The following RPP30 variants were observed in gnomAD, a reference collection of about 807,000 sequenced individuals.
The protein encoded by RPP30 is ribonuclease P protein subunit p30.
RPP30 carries 36 observed loss-of-function variants against 38.6 expected under a neutral mutation model. The ratio of observed to expected loss-of-function variants is 0.93; its 90% CI spans 0.71 to 1.23. The LOEUF (loss-of-function observed/expected upper bound fraction) is 1.23. Among genes scored for constraint, RPP30 ranks in the 50% most tolerant of loss-of-function variants. The pLI is 0.00. For missense variants in RPP30, 321 were observed against 321.7 expected (o/e 1.00, Z 0.02); for synonymous variants, 126 against 112.7 (o/e 1.12, Z -0.75).
At chr10:90,886,971 G>T (rs560946663) in intron 6 of RPP30, among the ~76,000 whole-genome samples, 25 of 152,088 alleles carry the variant, frequency 1.6e-4, no homozygotes, top group Admixed American at 3.9e-4. Context: ...ATTAGTAGTA[G>T]TAGTAGTAGT....
chr10:90,896,307 C>T lies in RPP30; in HGVS notation c.618-6C>T, dbSNP rs771270619. 13 of 1,613,542 alleles carry T rather than the reference C, an allele frequency of 8.1e-6. No individual in the cohort carries two copies. The highest frequency in any genetic ancestry group is 7.7e-5 in the South Asian group (7 of 91,056). ...TCTGGGTTGAAATCTTTAATGCTCC[C>T]CCAAGAGGCTTGCTGTTTGGGCTCT... On this transcript the variant is annotated splice_polypyrimidine_tract_variant and splice_region_variant and intron_variant, in intron 9 of 10. Transcript: ENST00000371703.
At chr10:90,893,155 T>C (rs1049786550) in intron 6 of RPP30, among the ~76,000 whole-genome samples, 3 of 151,926 alleles carry the variant, frequency 2.0e-5, no homozygotes, top group Non-Finnish European at 4.4e-5. Flanking sequence ...TATAGGAAAA[T>C]CTAAAATAAA....
At chr10:90,905,340 G>A (rs1847242402), downstream of RPP30, 2 of 152,158 alleles carry the variant, frequency 1.3e-5, no homozygotes, top group African/African-American at 4.8e-5. Flanking sequence ...TTTACCTGAA[G>A]ATACCTGGGA....
Position 90,901,247 on chromosome 10 carries a change from A to G in RPP30, c.*568A>G, listed in dbSNP as rs1847198280. On this transcript the variant is annotated 3_prime_UTR_variant, in exon 11 of 11. Coordinates refer to ENST00000371703, the MANE Select transcript of RPP30 (RefSeq NM_006413.5). ...AGCCATCCTCCCGCTTTGGCCTCCT[A>G]AAGTGCTGGGATTACATGAGCCACC... 15 of 962,708 alleles carry G rather than the reference A, an allele frequency of 1.6e-5. No individual in the cohort carries two copies. The Admixed American group carries it at 9.3e-4, about 60-fold the overall frequency. 59.6% of individuals were successfully genotyped at this position (962,708 alleles called of 1,614,324 possible).
intron 5 of RPP30, among the ~76,000 whole-genome samples, chr10:90,884,146 T>C (rs1367297723): frequency 6.6e-6 from 1 of 152,170 alleles, no homozygotes; most frequent in African/African-American, 2.4e-5. Flanking sequence ...CTTTCATGAT[T>C]GGTATTGCAA....
chr10:90,896,042 C>CA, intron 9 of RPP30, 125 bp downstream of exon 9: 2 of 738,314 alleles, frequency 2.7e-6, no homozygotes, highest in Non-Finnish European at 4.5e-6. Flanking sequence ...TTAATAACTT[C>CA]AAAAATAAAT....
intron 5 of RPP30, among the ~76,000 whole-genome samples, chr10:90,880,714 T>C (rs1846917393): frequency 7.2e-5 from 11 of 151,862 alleles, no homozygotes; most frequent in Admixed American, 7.2e-4. Flanking sequence ...AGTAAGACTG[T>C]GTCTCAAAAA....
intron 5 of RPP30, among the ~76,000 whole-genome samples, chr10:90,881,465 A>G (rs1275222189): frequency 2.6e-5 from 4 of 152,218 alleles, no homozygotes; most frequent in African/African-American, 9.6e-5. Context: ...TGATGATAGT[A>G]GATGGGCCTG....
At chr10:90,881,954 A>AAAAAAGC (rs1846934638) in intron 5 of RPP30, among the ~76,000 whole-genome samples, 13 of 152,310 alleles carry the variant, frequency 8.5e-5, no homozygotes, top group African/African-American at 3.1e-4. Context: ...GGGACATAAT[A>AAAAAAGC]TACCATTATA....
chr10:90,907,818 A>G (rs549945437), downstream of RPP30, among the ~76,000 whole-genome samples: 353 of 152,290 alleles, frequency 2.3e-3, 1 homozygote, highest in Middle Eastern at 0.01. Flanking sequence ...TGTTTCCTTC[A>G]TCGTATTTAC....
chr10:90,873,373 C>T (rs1259826460), intron 1 of RPP30, among the ~76,000 whole-genome samples: 1 of 152,084 alleles, frequency 6.6e-6, no homozygotes, highest in Admixed American at 6.5e-5. Context: ...TATAAAGTTG[C>T]CTCAACTTAC....
chr10:90,875,729 G>T, intron 3 of RPP30, 115 bp downstream of exon 3: 1 of 878,662 alleles, frequency 1.1e-6, no homozygotes. Context: ...CAGTCTTAAC[G>T]TTTTCCTCAA....
chr10:90,898,129 G>T (rs1847164331), intron 10 of RPP30, among the ~76,000 whole-genome samples: 2 of 152,170 alleles, frequency 1.3e-5, no homozygotes, highest in Admixed American at 6.6e-5. Context: ...TCTGTCTCCA[G>T]GAGTTCAGTT....
chr10:90,893,405 A>C (rs932635716), intron 6 of RPP30, among the ~76,000 whole-genome samples: 14 of 152,294 alleles, frequency 9.2e-5, no homozygotes, highest in Admixed American at 2.0e-4. Flanking sequence ...CTTGGACCAT[A>C]CTGCCTAGAA....
chr10:90,884,099 T>C (rs750753292), intron 5 of RPP30, among the ~76,000 whole-genome samples: 3 of 152,164 alleles, frequency 2.0e-5, no homozygotes, highest in South Asian at 2.1e-4. Flanking sequence ...GGGATCATAA[T>C]TGAAGTAAAA....
chr10:90,877,204 C>T (rs533850785), intron 4 of RPP30, among the ~76,000 whole-genome samples: 5 of 151,850 alleles, frequency 3.3e-5, no homozygotes, highest in Non-Finnish European at 7.4e-5. Flanking sequence ...CCCAGCTACT[C>T]AAGAGTCTGA....
intron 10 of RPP30, among the ~76,000 whole-genome samples, chr10:90,897,766 A>G (rs1055641026): frequency 1.3e-5 from 2 of 152,046 alleles, no homozygotes; most frequent in Admixed American, 1.3e-4. Flanking sequence ...AGCATATAAC[A>G]CATAATATGT....
At chr10:90,882,108 CAGAG>C (rs1052342481) in intron 5 of RPP30, among the ~76,000 whole-genome samples, 2 of 152,094 alleles carry the variant, frequency 1.3e-5, no homozygotes, top group African/African-American at 4.8e-5. Flanking sequence ...GAATATGACA[CAGAG>C]AGAGAGTTGC....
At chr10:90,885,164 A>G (rs762103035) in intron 5 of RPP30, among the ~76,000 whole-genome samples, 1 of 152,252 alleles carries the variant, frequency 6.6e-6, no homozygotes, top group Non-Finnish European at 1.5e-5. Context: ...GTATTACTCA[A>G]CAAGTCATAG....
Sources: gnomAD v4.1 joint callset for allele counts (sites outside exome capture counted in the v4.1 genomes callset) on GRCh38, gnomAD v4.1.1 for gene constraint, MANE v1.5 for transcripts, NCBI Gene and HGNC (gene_info 2026-07-23, HGNC 2026-07-21) for gene names.